FUT9: variants seen among roughly 807,000 people sequenced by gnomAD.
FUT9 encodes the protein fucosyltransferase 9.
In FUT9, 15 loss-of-function variants were observed where a neutral mutation model predicts 29.7. The ratio of observed to expected loss-of-function variants is 0.51; its 90% CI spans 0.34 to 0.78. The LOEUF (loss-of-function observed/expected upper bound fraction) is 0.78. Among genes scored for constraint, FUT9 ranks in the 30% least tolerant of loss-of-function variants. The pLI is 0.01. For missense variants in FUT9, 319 were observed against 425.4 expected (o/e 0.75, Z 2.20); for synonymous variants, 169 against 153.7 (o/e 1.10, Z -0.74).
chr6:96,132,827 CA>C (rs900105374), intron 2 of FUT9, among the ~76,000 whole-genome samples: 7 of 152,048 alleles, frequency 4.6e-5, no homozygotes, highest in South Asian at 2.1e-4. Flanking sequence ...ATTGCCCAAG[CA>C]AAAAAACTAT....
chr6:96,119,006 A>G (rs544185463), intron 2 of FUT9, among the ~76,000 whole-genome samples: 4 of 152,338 alleles, frequency 2.6e-5, no homozygotes, highest in African/African-American at 9.6e-5. Context: ...AAACTCAAAG[A>G]CTTAAAAAAT....
At chr6:96,024,254 T>G (rs1231966174) in intron 1 of FUT9, among the ~76,000 whole-genome samples, 1 of 151,842 alleles carries the variant, frequency 6.6e-6, no homozygotes, top group Non-Finnish European at 1.5e-5. Flanking sequence ...CATTCTTGGA[T>G]AGGTGCATAT....
intron 2 of FUT9, among the ~76,000 whole-genome samples, chr6:96,137,794 C>A (rs985721318): frequency 3.3e-5 from 5 of 151,806 alleles, no homozygotes; most frequent in Admixed American, 6.6e-5. Flanking sequence ...GATGAAAGAA[C>A]CATAGTAATA....
At chr6:96,090,321 A>T (rs1771389934) in intron 1 of FUT9, among the ~76,000 whole-genome samples, 2 of 152,064 alleles carry the variant, frequency 1.3e-5, no homozygotes, top group African/African-American at 4.8e-5. Context: ...GGAAGAAATC[A>T]CAGTAGAGAT....
At chr6:96,148,869 T>C (rs1276993574) in intron 2 of FUT9, among the ~76,000 whole-genome samples, 1 of 152,180 alleles carries the variant, frequency 6.6e-6, no homozygotes, top group East Asian at 1.9e-4. Context: ...TTTTAACTAC[T>C]TGAGGCCAGG....
intron 1 of FUT9, among the ~76,000 whole-genome samples, chr6:96,044,725 T>G (rs1268007010): frequency 1.3e-5 from 2 of 152,210 alleles, no homozygotes; most frequent in East Asian, 3.8e-4. Flanking sequence ...ATAAAAATTA[T>G]TTTTTATAAA....
At chr6:96,050,405 A>G (rs1372961351) in intron 1 of FUT9, among the ~76,000 whole-genome samples, 1 of 152,210 alleles carries the variant, frequency 6.6e-6, no homozygotes, top group Non-Finnish European at 1.5e-5. Flanking sequence ...ATGCCTGTTT[A>G]GTTTGTAGTT....
At position 96,206,466 on chromosome 6, in the gene FUT9, A is replaced by G. The variant is rs1333618791; in HGVS notation, c.*2231A>G. ...GTTTAGAAAGCACCTGCTTTTTTTT[A>G]TTATTATTATTTTTGTGATAGAGTC... On this transcript the variant is annotated 3_prime_UTR_variant, in exon 3 of 3. Transcript: ENST00000302103. 1.2e-5 allele frequency: 2 copies of G among 166,704 alleles called. No homozygotes were observed. The highest frequency in any genetic ancestry group is 1.5e-5 in the Non-Finnish European group (1 of 68,030). 10.3% of individuals were successfully genotyped at this position (166,704 alleles called of 1,614,324 possible).
chr6:96,118,878 A>G (rs1368586283), intron 2 of FUT9, among the ~76,000 whole-genome samples: 1 of 152,304 alleles, frequency 6.6e-6, no homozygotes, highest in East Asian at 1.9e-4. Flanking sequence ...TAAAAGGTAA[A>G]ATAAAAAACA....
chr6:96,187,759 G>A (rs927980747), intron 2 of FUT9, among the ~76,000 whole-genome samples: 5 of 152,096 alleles, frequency 3.3e-5, no homozygotes, highest in Admixed American at 1.3e-4. Flanking sequence ...GTGTTGTGTG[G>A]AAAACTCTGG....
At chr6:96,141,985 A>T (rs1168758402) in intron 2 of FUT9, among the ~76,000 whole-genome samples, 1 of 152,210 alleles carries the variant, frequency 6.6e-6, no homozygotes, top group East Asian at 1.9e-4. Flanking sequence ...CTTAGTCCAA[A>T]CACACCTATA....
At position 96,193,592 on chromosome 6, in the gene FUT9, T is replaced by C. The variant is rs1281261136; in HGVS notation, c.-8-9556T>C. Among the ~76,000 whole-genome samples, 3 of 152,056 alleles carry C rather than the reference T, an allele frequency of 2.0e-5. No homozygotes were observed. In the East Asian group the frequency reaches 5.8e-4, roughly 29 times the overall value. On this transcript the variant is annotated intron_variant, in intron 2 of 2. Transcript: ENST00000302103. ...GGATGTGGAGAAATAGGAACACTTT[T>C]ACACTGTTGGTGGGACTGTAAACTA...
intron 1 of FUT9, among the ~76,000 whole-genome samples, chr6:96,039,673 A>C (rs1243999011): frequency 6.6e-6 from 1 of 152,058 alleles, no homozygotes; most frequent in Non-Finnish European, 1.5e-5. Flanking sequence ...CCTATTATTT[A>C]TAACATCTGA....
At chr6:96,164,688 C>T (rs7761197) in intron 2 of FUT9, among the ~76,000 whole-genome samples, 138,769 of 152,176 alleles carry the variant, frequency 0.91, 64,637 homozygotes, top group Non-Finnish European at 1. Context: ...GAAAGGAAGG[C>T]AAAATGAGGC....
intron 2 of FUT9, among the ~76,000 whole-genome samples, chr6:96,202,570 A>G (rs376550144): frequency 5.9e-5 from 9 of 152,188 alleles, no homozygotes; most frequent in African/African-American, 1.7e-4. Flanking sequence ...TTAAAAATGT[A>G]TCAAATCAAG....
chr6:96,107,612 G>C (rs1022605222), intron 1 of FUT9, among the ~76,000 whole-genome samples: 4 of 152,064 alleles, frequency 2.6e-5, no homozygotes, highest in Admixed American at 1.3e-4. Flanking sequence ...TATAAATTTG[G>C]ACAAATCTAT....
At chr6:96,124,341 A>T (rs1299011219) in intron 2 of FUT9, among the ~76,000 whole-genome samples, 3 of 151,566 alleles carry the variant, frequency 2.0e-5, no homozygotes, top group African/African-American at 7.3e-5. Context: ...TAGTAGAGAC[A>T]GGGTTTCACC....
intron 2 of FUT9, among the ~76,000 whole-genome samples, chr6:96,159,551 C>G (rs947276831): frequency 3.3e-5 from 5 of 152,030 alleles, no homozygotes; most frequent in African/African-American, 1.2e-4. Flanking sequence ...CCCAAATAAG[C>G]TTTCAGAACC....
At chr6:96,061,571 C>G (rs1483514590) in intron 1 of FUT9, among the ~76,000 whole-genome samples, 1 of 151,778 alleles carries the variant, frequency 6.6e-6, no homozygotes, top group African/African-American at 2.4e-5. Context: ...TAGACTTATG[C>G]AAAGTCTCAT....
Sources: gnomAD v4.1 joint callset for allele counts (sites outside exome capture counted in the v4.1 genomes callset) on GRCh38, gnomAD v4.1.1 for gene constraint, MANE v1.5 for transcripts, NCBI Gene and HGNC (gene_info 2026-07-23, HGNC 2026-07-21) for gene names.